DTWD2: variants seen among roughly 807,000 people sequenced by gnomAD.
DTWD2 encodes the protein DTW motif tRNA-uridine aminocarboxypropyltransferase 2, also known as tRNA-uridine aminocarboxypropyltransferase 2.
In DTWD2, 39 loss-of-function variants were observed where a neutral mutation model predicts 31.8. The ratio of observed to expected loss-of-function variants is 1.22; its 90% CI spans 0.95 to 1.60. The LOEUF (loss-of-function observed/expected upper bound fraction) is 1.60, where lower values mean the gene tolerates loss of function less well. DTWD2 is among the 40% of genes most tolerant of loss of function. DTWD2 has a pLI of 0.00. For missense variants in DTWD2, 515 were observed against 381.5 expected, an observed-to-expected ratio of 1.35 and a Z score of -2.92; for synonymous variants, 180 against 142.8, an observed-to-expected ratio of 1.26 and a Z score of -1.86.
chr5:118,877,145 G>T (rs1045149571), intron 4 of DTWD2, among the ~76,000 whole-genome samples: 1 of 152,162 alleles, frequency 6.6e-6, no homozygotes, highest in Admixed American at 6.5e-5. Context: ...TGCAGAAAAG[G>T]CTTTCAATAA....
chr5:118,913,249 A>G (rs1218851431), intron 4 of DTWD2, among the ~76,000 whole-genome samples: 1 of 151,548 alleles, frequency 6.6e-6, no homozygotes, highest in African/African-American at 2.4e-5. Flanking sequence ...GGGTGAAAGT[A>G]CTCCAACCTG....
Position 118,857,930 on chromosome 5 carries a change from C to T in DTWD2, c.598-9712G>A, listed in dbSNP as rs145114434. ...CATATCTGCCATCATCAAGCGACTA[C>T]GCCTGGGATAGTTTACAGATGTATG... On this transcript the variant is annotated intron_variant, in intron 4 of 5. Coordinates refer to ENST00000510708, the MANE Select transcript of DTWD2 (RefSeq NM_173666.4). 1.4e-3 allele frequency among the ~76,000 whole-genome samples: 208 copies of T among 152,264 alleles called. 1 individual carries two copies. Among genetic ancestry groups the T allele is most frequent in the African/African-American group, 4.3e-3 (177 of 41,568 alleles).
intron 5 of DTWD2, 121 bp from the exon 6 acceptor site, chr5:118,841,208 G>T (rs748004494): frequency 9.4e-7 from 1 of 1,066,540 alleles, no homozygotes; most frequent in African/African-American, 1.6e-5. Flanking sequence ...TTTTAACTAT[G>T]AGAAACACTA....
At chr5:118,901,225 C>A (rs1753204709) in intron 4 of DTWD2, among the ~76,000 whole-genome samples, 1 of 152,056 alleles carries the variant, frequency 6.6e-6, no homozygotes. Context: ...CCTATGACTT[C>A]CCTTTACATG....
intron 5 of DTWD2, among the ~76,000 whole-genome samples, chr5:118,842,953 CT>C (rs1181962036): frequency 0.24 from 25,997 of 108,796 alleles, 2,716 homozygotes; most frequent in African/African-American, 0.28. Context: ...TCTTCTTCCT[CT>C]TTTTTTTTTT....
At chr5:118,846,623 C>T (rs371672213) in intron 5 of DTWD2, among the ~76,000 whole-genome samples, 44 of 152,184 alleles carry the variant, frequency 2.9e-4, no homozygotes, top group African/African-American at 1.1e-3. Context: ...AACAACAGCA[C>T]TGGGTTACAT....
chr5:118,848,343 A>G, intron 4 of DTWD2, 125 bp from the exon 5 acceptor site: 4 of 773,820 alleles, frequency 5.2e-6, no homozygotes, highest in Admixed American at 6.9e-5. Flanking sequence ...AAATGTGTCA[A>G]TATCTTTTAT....
chr5:118,855,088 G>T (rs541682818), intron 4 of DTWD2, among the ~76,000 whole-genome samples: 1 of 151,104 alleles, frequency 6.6e-6, no homozygotes, highest in African/African-American at 2.4e-5. Context: ...GATCACCTGC[G>T]CCTGGGAGGT....
At chr5:118,955,029 G>T (rs995394896) in intron 1 of DTWD2, among the ~76,000 whole-genome samples, 1 of 151,978 alleles carries the variant, frequency 6.6e-6, no homozygotes, top group African/African-American at 2.4e-5. Flanking sequence ...TGATCATTTT[G>T]ATAAGTGATC....
intron 1 of DTWD2, chr5:118,974,791 T>C (rs981039254): frequency 2.3e-5 from 9 of 390,340 alleles, no homozygotes; most frequent in African/African-American, 1.9e-4. Context: ...GGAATTTTAT[T>C]TTGCTGAGTT....
At chr5:118,915,321 C>G (rs189565697) in intron 4 of DTWD2, among the ~76,000 whole-genome samples, 1 of 152,026 alleles carries the variant, frequency 6.6e-6, no homozygotes, top group African/African-American at 2.4e-5. Flanking sequence ...AATAAGGATT[C>G]CCACTAACCA....
chr5:118,908,905 C>A (rs1206967518), intron 4 of DTWD2, among the ~76,000 whole-genome samples: 3 of 152,130 alleles, frequency 2.0e-5, no homozygotes, highest in Non-Finnish European at 4.4e-5. Flanking sequence ...ACGAAAATAG[C>A]TCTAAAAGAG....
At chr5:118,890,849 G>A (rs541713731) in intron 4 of DTWD2, among the ~76,000 whole-genome samples, 129 of 152,268 alleles carry the variant, frequency 8.5e-4, no homozygotes, top group Admixed American at 4.8e-3. Context: ...GATTACAGGC[G>A]TGGGCCACTG....
rs1329063949 is a variant in DTWD2, at chr5:118,982,712, G to A, written c.218+5582C>T. On this transcript the variant is annotated intron_variant, in intron 1 of 5. Transcript: ENST00000510708. Reference sequence around the variant, plus strand: ...TTTTTTTTTTTTTTTTTTTTGAGACGGAGTTTCGCTCTGTCGCCGAGGCTG... The same window carrying A: ...TTTTTTTTTTTTTTTTTTTTGAGACAGAGTTTCGCTCTGTCGCCGAGGCTG... 3.1e-5 allele frequency among the ~76,000 whole-genome samples: 4 copies of A among 128,690 alleles called. No homozygotes were observed. In the South Asian group the frequency reaches 7.2e-4, roughly 23 times the overall value. 84.4% of individuals were successfully genotyped at this position (128,690 alleles called of 152,430 possible). A position where few individuals can be genotyped will look rare whatever the true frequency, so the allele number is the denominator to read the frequency against.
chr5:118,872,623 C>T (rs1286415487), intron 4 of DTWD2, among the ~76,000 whole-genome samples: 1 of 152,138 alleles, frequency 6.6e-6, no homozygotes, highest in African/African-American at 2.4e-5. Flanking sequence ...AGGTTTGTGG[C>T]ACCCCAAAAC....
intron 1 of DTWD2, among the ~76,000 whole-genome samples, chr5:118,947,421 C>A (rs1470217191): frequency 6.6e-6 from 1 of 152,182 alleles, no homozygotes; most frequent in Non-Finnish European, 1.5e-5. Flanking sequence ...GGAAGGTGAT[C>A]TTCCCCTGGA....
At chr5:118,850,632 A>G (rs772117101) in intron 4 of DTWD2, among the ~76,000 whole-genome samples, 4 of 152,114 alleles carry the variant, frequency 2.6e-5, no homozygotes, top group Admixed American at 6.6e-5. Flanking sequence ...TAAGTCCTCA[A>G]AAGCAACTGC....
At chr5:118,889,123 C>A (rs1373446127) in intron 4 of DTWD2, among the ~76,000 whole-genome samples, 1 of 152,112 alleles carries the variant, frequency 6.6e-6, no homozygotes, top group Non-Finnish European at 1.5e-5. Flanking sequence ...TCAATGTGTT[C>A]TTTTATGGCT....
chr5:118,950,741 T>G (rs548294537), intron 1 of DTWD2, among the ~76,000 whole-genome samples: 8 of 152,230 alleles, frequency 5.3e-5, no homozygotes, highest in Non-Finnish European at 1.0e-4. Flanking sequence ...GAAGTTCTTC[T>G]GTGCTGAAGA....
Sources: gnomAD v4.1 joint callset for allele counts (sites outside exome capture counted in the v4.1 genomes callset) on GRCh38, gnomAD v4.1.1 for gene constraint, MANE v1.5 for transcripts, NCBI Gene and HGNC (gene_info 2026-07-23, HGNC 2026-07-21) for gene names.